Variants in ODF2 observed in about 807,000 individuals in gnomAD.
The protein encoded by ODF2 is outer dense fiber protein 2.
ODF2 carries 47 observed loss-of-function variants against 110.2 expected under a neutral mutation model. The observed-to-expected ratio is 0.43, with a 90% confidence interval of 0.34 to 0.54. ODF2 has a LOEUF of 0.54. Ranked by LOEUF, ODF2 falls within the 20% of genes least tolerant of loss-of-function variation. The pLI is 0.03. For synonymous variants in ODF2, 352 were observed against 397.7 expected, an observed-to-expected ratio of 0.89 and a Z score of 1.37; for missense variants, 812 against 1,054.5, an observed-to-expected ratio of 0.77 and a Z score of 3.19.
At chr9:128,471,016 C>T (rs981721734) in intron 5 of ODF2, among the ~76,000 whole-genome samples, 5 of 151,822 alleles carry the variant, frequency 3.3e-5, no homozygotes, top group African/African-American at 4.8e-5. Context: ...TGGGTTCAGG[C>T]GACTCTCTTG....
In ODF2 at chr9:128,492,382, A is replaced by C. The variant is rs760778176; in HGVS notation, c.1537-44A>C. On this transcript the variant is annotated intron_variant, in intron 14 of 20. Coordinates refer to ENST00000604420, the Ensembl canonical transcript of ODF2. The stretch of plus-strand genomic sequence containing the variant: ...GAGTTGAGGGTAGGAGGTCCACCTG[A>C]AGCAGAACCTTCCTGTGGGTTACTC... 6.6e-6 allele frequency: 9 copies of C among 1,370,338 alleles called. No individual in the cohort carries two copies. The South Asian group carries it at 1.0e-4, about 16-fold the overall frequency. 84.9% of individuals were successfully genotyped at this position (1,370,338 alleles called of 1,614,324 possible). A position where few individuals can be genotyped will look rare whatever the true frequency, so the allele number is the denominator to read the frequency against.
intron 14 of ODF2, among the ~76,000 whole-genome samples, chr9:128,488,744 C>G (rs1006388056): frequency 2.0e-5 from 3 of 152,174 alleles, no homozygotes; most frequent in African/African-American, 7.2e-5. Context: ...GGGCTCACGT[C>G]TGTAATCCCA....
At chr9:128,455,272 C>A, upstream of ODF2, 2 of 1,525,766 alleles carry the variant, frequency 1.3e-6, no homozygotes, top group Non-Finnish European at 1.8e-6. Flanking sequence ...GGGTAGTAGA[C>A]CGGGCGCGGA....
At chr9:128,477,214 CAG>C (rs1469028221) in intron 8 of ODF2, among the ~76,000 whole-genome samples, 1 of 147,250 alleles carries the variant, frequency 6.8e-6, no homozygotes, top group African/African-American at 2.5e-5. Flanking sequence ...GCCTGGGTGA[CAG>C]AGCGAGACTC....
chr9:128,474,432 G>A (rs2131825465), intron 8 of ODF2, among the ~76,000 whole-genome samples: 1 of 152,260 alleles, frequency 6.6e-6, no homozygotes, highest in African/African-American at 2.4e-5. Context: ...GGCGGAGGTT[G>A]CGGTGAGCTG....
intron 17 of ODF2, 76 bp from the exon 18 acceptor site, chr9:128,495,965 C>A (rs1322999392): frequency 5.1e-6 from 8 of 1,557,824 alleles, no homozygotes; most frequent in Non-Finnish European, 6.1e-6. Context: ...TGGGTGTGGA[C>A]AACAGGTCAT....
At chr9:128,476,919 A>C (rs954259136) in intron 8 of ODF2, among the ~76,000 whole-genome samples, 3 of 150,322 alleles carry the variant, frequency 2.0e-5, no homozygotes, top group African/African-American at 7.3e-5. Context: ...GATTACAGGC[A>C]TGAGCCACCG....
intron 3 of ODF2, 73 bp downstream of exon 2, chr9:128,459,730 A>G: frequency 8.5e-7 from 1 of 1,173,502 alleles, no homozygotes; most frequent in Admixed American, 1.8e-5. Flanking sequence ...CGTTTCTAGG[A>G]GGTGCCTTAC....
At chr9:128,456,412 C>T in intron 1 of ODF2, 157 bp downstream of exon 1, 1 of 1,474,658 alleles carries the variant, frequency 6.8e-7, no homozygotes, top group East Asian at 2.8e-5. Context: ...AACCTGGGCC[C>T]CCGCCCCGCC....
intron 8 of ODF2, 137 bp from the exon 9 acceptor site, chr9:128,481,443 C>A: frequency 1.7e-6 from 1 of 586,414 alleles, no homozygotes; most frequent in Non-Finnish European, 2.9e-6. Flanking sequence ...CACCACTGCA[C>A]TCCAGCCTGG....
At chr9:128,469,383 C>T (rs1283152019) in intron 5 of ODF2, 30 bp downstream of exon 5, 6 of 1,611,270 alleles carry the variant, frequency 3.7e-6, no homozygotes, top group Non-Finnish European at 5.1e-6. Flanking sequence ...GGGATAGCTA[C>T]TACCCTGAGG....
chr9:128,455,319 A>G, upstream of ODF2: 1 of 1,158,628 alleles, frequency 8.6e-7, no homozygotes, highest in Non-Finnish European at 1.2e-6. Flanking sequence ...TGGAAGGCCG[A>G]GGCGGGTGGA....
chr9:128,490,613 ATGC>A (rs1844350858), intron 14 of ODF2, among the ~76,000 whole-genome samples: 1 of 152,120 alleles, frequency 6.6e-6, no homozygotes, highest in Non-Finnish European at 1.5e-5. Flanking sequence ...AAAGTTAAAT[ATGC>A]TCATAGTAAA....
At chr9:128,470,481 A>C (rs184579330) in intron 5 of ODF2, among the ~76,000 whole-genome samples, 1 of 151,614 alleles carries the variant, frequency 6.6e-6, no homozygotes, top group East Asian at 2.0e-4. Flanking sequence ...AAATACAAAA[A>C]TTTGCCAGGC....
Position 128,482,891 on chromosome 9 carries a change from G to A in ODF2, c.987+4G>A. 2.1e-6 allele frequency: 3 copies of A among 1,448,472 alleles called. No individual in the cohort carries two copies. Among genetic ancestry groups the A allele is most frequent in the Non-Finnish European group, 2.8e-6 (3 of 1,058,292 alleles). The allele number at this position is 1,448,472 out of a possible 1,614,324, so 89.7% of individuals were successfully genotyped here. A position where few individuals can be genotyped will look rare whatever the true frequency, so the allele number is the denominator to read the frequency against. On this transcript the variant is annotated splice_donor_region_variant and intron_variant, in intron 10 of 20. Coordinates refer to ENST00000604420, the Ensembl canonical transcript of ODF2. ...TCAGGAAATACAATGTGAGAAGGTA[G>A]TGTGCTTTTTTTTTTTTTTTTTTTA...
rs1392020334 is a variant in ODF2 at position 128,494,261 on chromosome 9, A to G, written c.1753-249A>G. Among the ~76,000 whole-genome samples the G allele has an allele frequency of 1.3e-5, 2 of 152,186 alleles. No homozygotes were observed. Among genetic ancestry groups the G allele is most frequent in the African/African-American group, 4.8e-5 (2 of 41,452 alleles). ...AAGTGTGCAGAGAGCCCCTGGTACA[A>G]TGCCTGGGTCTTGGTGTTTACTGTG... On this transcript the variant is annotated intron_variant, in intron 16 of 20. Coordinates refer to ENST00000604420, the Ensembl canonical transcript of ODF2. The surrounding 1 kb of genome is among the most constrained non-coding windows in gnomAD (Gnocchi z 4.6).
intron 18 of ODF2, 29 bp from the exon 19 acceptor site, chr9:128,498,384 C>G: frequency 6.5e-7 from 1 of 1,537,666 alleles, no homozygotes; most frequent in Non-Finnish European, 8.8e-7. Flanking sequence ...TGGGGTATGC[C>G]CAGGATCTGA....
Position 128,469,260 on chromosome 9 carries a change from T to C in ODF2, c.327T>C (p.Ser109=), listed in dbSNP as rs771272406. 7.4e-6 allele frequency: 12 copies of C among 1,614,030 alleles called. No individual in the cohort carries two copies. In the South Asian group the frequency reaches 1.3e-4, roughly 18 times the overall value. Residue 109 remains serine (S), a synonymous_variant, in exon 5 of 21, where the codon TCT becomes TCC. Transcript: ENST00000604420. ...CAGTGATGCGGTTAAGTGACCTCTC[T>C]ACAGAAGATGATGACTCAGGTCACT... is the stretch of plus-strand genomic sequence containing the variant.
At chr9:128,492,560 C>A (rs776768525) in intron 15 of ODF2, 24 bp downstream of exon 15, 1 of 1,576,520 alleles carries the variant, frequency 6.3e-7, no homozygotes, top group South Asian at 1.1e-5. Context: ...GGGCCCTGGC[C>A]CTTCTGAGCA....
Sources: gnomAD v4.1 joint callset for allele counts (sites outside exome capture counted in the v4.1 genomes callset) on GRCh38, gnomAD v4.1.1 for gene constraint, Gnocchi (gnomAD v3.1) non-coding constraint, MANE v1.5 for transcripts, NCBI Gene and HGNC (gene_info 2026-07-23, HGNC 2026-07-21) for gene names.